Variants in EPHA6 observed in about 807,000 individuals in gnomAD.
EPHA6 encodes ephrin type-A receptor 6.
EPHA6 carries 50 observed loss-of-function variants against 112.0 expected under a neutral mutation model. The observed-to-expected ratio is 0.45, with a 90% CI of 0.36 to 0.56. The LOEUF (loss-of-function observed/expected upper bound fraction) is 0.56, where lower values mean the gene tolerates loss of function less well. Among genes scored for constraint, EPHA6 ranks in the 20% least tolerant of loss-of-function variants. The pLI is 0.00. For missense variants in EPHA6, 1,280 were observed against 1,417.4 expected (o/e 0.90, Z 1.56); for synonymous variants, 529 against 490.7 (o/e 1.08, Z -1.03).
chr3:96,821,559 AT>A (rs2033258288), intron 1 of EPHA6, among the ~76,000 whole-genome samples: 1 of 151,940 alleles, frequency 6.6e-6, no homozygotes, highest in African/African-American at 2.4e-5. Flanking sequence ...TTTGCCATAC[AT>A]AAAGGTTCAA....
At chr3:97,293,199 G>A (rs989815374) in intron 5 of EPHA6, among the ~76,000 whole-genome samples, 3 of 152,212 alleles carry the variant, frequency 2.0e-5, no homozygotes, top group Non-Finnish European at 2.9e-5. Context: ...GGAGACCCGT[G>A]ATAGGTAGCT....
chr3:97,708,258 T>C (rs1312578168), intron 14 of EPHA6, among the ~76,000 whole-genome samples: 1 of 152,210 alleles, frequency 6.6e-6, no homozygotes. Flanking sequence ...GAGGAACTTA[T>C]TGGGAACTGA....
At chr3:97,621,204 C>G (rs1028917158) in intron 13 of EPHA6, among the ~76,000 whole-genome samples, 37 of 151,756 alleles carry the variant, frequency 2.4e-4, no homozygotes, top group African/African-American at 8.7e-4. Flanking sequence ...TAAGTGAGAA[C>G]TAAATGATGA....
intron 3 of EPHA6, among the ~76,000 whole-genome samples, chr3:97,168,061 TA>T (rs1170790179): frequency 6.6e-6 from 1 of 152,152 alleles, no homozygotes; most frequent in Non-Finnish European, 1.5e-5. Flanking sequence ...AAATTTTTCT[TA>T]AGAAAGTAAA....
At chr3:97,050,773 AC>A (rs1157710947) in intron 3 of EPHA6, among the ~76,000 whole-genome samples, 1 of 152,140 alleles carries the variant, frequency 6.6e-6, no homozygotes, top group Non-Finnish European at 1.5e-5. Flanking sequence ...ATAGACTTAA[AC>A]AGGAGAAACT....
At chr3:97,606,139 T>A (rs1409993007) in intron 12 of EPHA6, 1 of 151,368 alleles carries the variant, frequency 6.6e-6, no homozygotes, top group African/African-American at 2.4e-5. Context: ...TTATACTAAT[T>A]GACTGTTTAA....
intron 5 of EPHA6, among the ~76,000 whole-genome samples, chr3:97,399,492 A>C (rs909797513): frequency 1.3e-5 from 2 of 151,516 alleles, no homozygotes; most frequent in Non-Finnish European, 3.0e-5. Flanking sequence ...TTCTATTTTT[A>C]GTTTTTGAAA....
chr3:97,571,243 T>C (rs1253068125), intron 11 of EPHA6, among the ~76,000 whole-genome samples: 1 of 151,626 alleles, frequency 6.6e-6, no homozygotes, highest in Non-Finnish European at 1.5e-5. Flanking sequence ...CAGGAAAGAG[T>C]AGAAGCAGAG....
At chr3:97,650,375 A>C (rs372038894) in intron 14 of EPHA6, among the ~76,000 whole-genome samples, 20 of 152,124 alleles carry the variant, frequency 1.3e-4, no homozygotes, top group African/African-American at 4.6e-4. Flanking sequence ...ATGCAATACC[A>C]AAGGAAATTA....
intron 1 of EPHA6, among the ~76,000 whole-genome samples, chr3:96,834,020 T>C (rs2034248285): frequency 6.6e-6 from 1 of 152,008 alleles, no homozygotes. Context: ...TAATCTAAGA[T>C]TTTAACTATC....
chr3:96,920,684 T>C (rs545356573), intron 2 of EPHA6, among the ~76,000 whole-genome samples: 32 of 152,120 alleles, frequency 2.1e-4, no homozygotes, highest in African/African-American at 6.7e-4. Flanking sequence ...TATATTTTAA[T>C]ATGTATATAC....
At chr3:97,263,316 T>A (rs1046209935) in intron 5 of EPHA6, among the ~76,000 whole-genome samples, 21 of 152,036 alleles carry the variant, frequency 1.4e-4, no homozygotes, top group African/African-American at 4.1e-4. Context: ...CCTAGTACAG[T>A]GCCTGGTACC....
chr3:97,045,831 T>G (rs2045486118), intron 3 of EPHA6, among the ~76,000 whole-genome samples: 1 of 152,086 alleles, frequency 6.6e-6, no homozygotes, highest in African/African-American at 2.4e-5. Context: ...GGTATGTGGG[T>G]ACATATCATG....
intron 3 of EPHA6, among the ~76,000 whole-genome samples, chr3:97,092,349 T>G (rs983903839): frequency 2.0e-5 from 3 of 152,072 alleles, no homozygotes; most frequent in Non-Finnish European, 4.4e-5. Flanking sequence ...GACAAAATGT[T>G]AATCAAATAG....
rs114694350 is a variant in EPHA6, at chr3:97,085,583, A to G, written c.1114+97590A>G. On this transcript the variant is annotated intron_variant, in intron 3 of 17. Transcript: ENST00000389672. ...TCACAGTAGCTTAATATATCCTAAT[A>G]TAGTGCATTTCGCAGATTCACCTTT... is the stretch of plus-strand genomic sequence containing the variant. Among the ~76,000 whole-genome samples the G allele has an allele frequency of 1.6e-3, 240 of 152,214 alleles. 1 individual carries two copies. The highest frequency in any genetic ancestry group is 5.4e-3 in the African/African-American group (224 of 41,536).
chr3:97,242,698 G>A (rs1407734856), intron 4 of EPHA6, among the ~76,000 whole-genome samples: 3 of 151,748 alleles, frequency 2.0e-5, no homozygotes, highest in Non-Finnish European at 4.4e-5. Flanking sequence ...AATCCAAAAG[G>A]AGCCTATATC....
intron 6 of EPHA6, among the ~76,000 whole-genome samples, chr3:97,445,496 A>C (rs1396401171): frequency 6.6e-6 from 1 of 152,206 alleles, no homozygotes; most frequent in Non-Finnish European, 1.5e-5. Context: ...ACTTAGAACT[A>C]ATTAATAATA....
chr3:97,414,999 G>T (rs2088015757), intron 6 of EPHA6, among the ~76,000 whole-genome samples: 2 of 151,918 alleles, frequency 1.3e-5, no homozygotes, highest in Admixed American at 1.3e-4. Flanking sequence ...CTTACTTGCA[G>T]AACAGAAGGG....
intron 3 of EPHA6, among the ~76,000 whole-genome samples, chr3:97,012,809 G>C (rs1277164125): frequency 2.0e-5 from 3 of 151,296 alleles, no homozygotes; most frequent in Non-Finnish European, 4.4e-5. Flanking sequence ...ATTTCAAATG[G>C]TATCTCGTTA....
Sources: gnomAD v4.1 joint callset for allele counts (sites outside exome capture counted in the v4.1 genomes callset) on GRCh38, gnomAD v4.1.1 for gene constraint, MANE v1.5 for transcripts, NCBI Gene and HGNC (gene_info 2026-07-23, HGNC 2026-07-21) for gene names.